The following CDK3 variants were observed in gnomAD, a reference collection of about 807,000 sequenced individuals.
The protein encoded by CDK3 is cyclin dependent kinase 3.
Under a neutral mutation model 30.2 loss-of-function variants are expected in CDK3, and 24 were observed. The observed-to-expected ratio is 0.79, with a 90% CI of 0.57 to 1.12. The LOEUF (loss-of-function observed/expected upper bound fraction) is 1.12. Among genes scored for constraint, CDK3 ranks in the 50% most tolerant of loss-of-function variants. The pLI is 0.00. For missense variants in CDK3, 345 were observed against 376.0 expected (o/e 0.92, Z 0.68); for synonymous variants, 158 against 154.2 (o/e 1.02, Z -0.18).
rs1279057955 is a variant in CDK3, at chr17:76,002,632, T to C, written c.588+20T>C. 2 of 797,708 alleles carry C rather than the reference T, an allele frequency of 2.5e-6. No individual in the cohort carries two copies. Among genetic ancestry groups the C allele is most frequent in the African/African-American group, 1.7e-5 (1 of 59,418 alleles). 49.4% of individuals were successfully genotyped at this position (797,708 alleles called of 1,614,324 possible). ...GAGATGGTAGAGAGAGGGGCACACA[T>C]GGCCACAGGGTGCCACAGGCAGGGT... On this transcript the variant is annotated intron_variant, in intron 6 of 7. Transcript: ENST00000448471. The surrounding 1 kb of genome is among the most constrained non-coding windows in gnomAD (Gnocchi z 4.3).
rs568783710 is a variant in CDK3, at chr17:76,001,258, A to G, written c.-14-154A>G. Reference sequence around the variant, plus strand: ...CCGACCCCCAGCCAGGTTCCCAGGCAGGATGAGCTGGGGTTGGGGTGGCTA... The same window carrying G: ...CCGACCCCCAGCCAGGTTCCCAGGCGGGATGAGCTGGGGTTGGGGTGGCTA... On this transcript the variant is annotated intron_variant, in intron 1 of 7. Coordinates refer to ENST00000448471, the MANE Select transcript of CDK3 (RefSeq NM_001258.4). The surrounding 1 kb of genome is among the most constrained non-coding windows in gnomAD (Gnocchi z 6.2). The G allele has an allele frequency of 3.5e-4, 511 of 1,479,392 alleles. 8 individuals are homozygous for G. In the East Asian group the frequency reaches 0.013, roughly 38 times the overall value. The allele number at this position is 1,479,392 out of a possible 1,614,324, so 91.6% of individuals were successfully genotyped here. A position where few individuals can be genotyped will look rare whatever the true frequency, so the allele number is the denominator to read the frequency against.
At chr17:76,003,511 C>A in intron 7 of CDK3, 113 bp downstream of exon 7, 1 of 786,318 alleles carries the variant, frequency 1.3e-6, no homozygotes, top group Non-Finnish European at 2.0e-6. Flanking sequence ...CTTTCCTGAC[C>A]TTTGTACACA....
Position 76,005,599 on chromosome 17 carries a change from G to A in CDK3, c.*176G>A, listed in dbSNP as rs1017818840. 1.4e-6 allele frequency: 1 copy of A among 715,680 alleles called. No individual in the cohort carries two copies. Among genetic ancestry groups the A allele is most frequent in the African/African-American group, 1.8e-5 (1 of 55,778 alleles). The allele number at this position is 715,680 out of a possible 1,614,324, so 44.3% of individuals were successfully genotyped here. A position where few individuals can be genotyped will look rare whatever the true frequency, so the allele number is the denominator to read the frequency against. On this transcript the variant is annotated 3_prime_UTR_variant, in exon 8 of 8. Transcript: ENST00000448471. This position sits in a 1 kb window ranked among gnomAD's most constrained non-coding sequence, Gnocchi z 4.7. ...CCGCAGGTTAGCGAGATCCTGTGTTGTTTTTTGGGTTGGACGGTGCCGTTT... is the reference window on the plus strand; with the variant it reads ...CCGCAGGTTAGCGAGATCCTGTGTTATTTTTTGGGTTGGACGGTGCCGTTT...
At position 76,001,263 on chromosome 17, in the gene CDK3, G is replaced by A; in HGVS notation, c.-14-149G>A. 2 of 1,498,466 alleles carry A rather than the reference G, an allele frequency of 1.3e-6. No homozygotes were observed. The highest frequency in any genetic ancestry group is 1.8e-6 in the Non-Finnish European group (2 of 1,125,682). 92.8% of individuals were successfully genotyped at this position (1,498,466 alleles called of 1,614,324 possible). A position where few individuals can be genotyped will look rare whatever the true frequency, so the allele number is the denominator to read the frequency against. ...CCCCAGCCAGGTTCCCAGGCAGGAT[G>A]AGCTGGGGTTGGGGTGGCTAGGCCG... On this transcript the variant is annotated intron_variant, in intron 1 of 7. Transcript: ENST00000448471. The surrounding 1 kb of genome is among the most constrained non-coding windows in gnomAD (Gnocchi z 6.2).
Position 76,002,552 on chromosome 17 carries a change from C to T in CDK3, c.528C>T (p.Gly176=), listed in dbSNP as rs756088442. The T allele has an allele frequency of 5.3e-5, 53 of 1,006,290 alleles. 1 individual carries two copies. The South Asian group carries it at 5.6e-4, about 11-fold the overall frequency. The allele number at this position is 1,006,290 out of a possible 1,614,324, so 62.3% of individuals were successfully genotyped here. A position where few individuals can be genotyped will look rare whatever the true frequency, so the allele number is the denominator to read the frequency against. Residue 176 remains glycine (G), a synonymous_variant, in exon 6 of 8, where the codon GGC becomes GGT. Coordinates refer to ENST00000448471, the MANE Select transcript of CDK3 (RefSeq NM_001258.4). This position sits in a 1 kb window ranked among gnomAD's most constrained non-coding sequence, Gnocchi z 4.3. ...ATCGCGCCCCCGAGATTCTCTTGGG[C>T]AGCAAGTTCTATACCACAGCTGTGG... The part of the protein sequence containing the change: ...LWYRAPEILL[G]SKFYTTAVDI...
At position 76,000,867 on chromosome 17, in the gene CDK3, C is replaced by A. The variant is rs1045202219; in HGVS notation, c.-115C>A. 9.6e-6 allele frequency: 10 copies of A among 1,044,444 alleles called. No homozygotes were observed. The highest frequency in any genetic ancestry group is 1.2e-5 in the Non-Finnish European group (10 of 865,690). 64.7% of individuals were successfully genotyped at this position (1,044,444 alleles called of 1,614,324 possible). A position where few individuals can be genotyped will look rare whatever the true frequency, so the allele number is the denominator to read the frequency against. The stretch of plus-strand genomic sequence containing the variant: ...GACTGTGGCTTTAAGACCCTCCTGA[C>A]CCCTGACCTCTGCCCCCAGTGGCCC... On this transcript the variant is annotated 5_prime_UTR_variant, in exon 1 of 8. Coordinates refer to ENST00000448471, the MANE Select transcript of CDK3 (RefSeq NM_001258.4). This position sits in a 1 kb window ranked among gnomAD's most constrained non-coding sequence, Gnocchi z 5.9.
Position 76,002,296 on chromosome 17 carries a change from C to T in CDK3, c.364C>T (p.Arg122Trp), listed in dbSNP as rs201685548. Residue 122 changes from arginine to tryptophan, a missense_variant, in exon 5 of 8, where the codon CGG becomes TGG. By Grantham distance (101) the Arg-to-Trp change is moderately radical. Coordinates refer to ENST00000448471, the MANE Select transcript of CDK3 (RefSeq NM_001258.4). This position sits in a 1 kb window ranked among gnomAD's most constrained non-coding sequence, Gnocchi z 4.3. ...LQGVSFCHSH[R>W]VIHRDLKPQN... Reference sequence around the variant, plus strand: ...GGGGGTGAGTTTCTGCCACTCACATCGGGTCATCCACCGAGACCTGAAGCC... The same window carrying T: ...GGGGGTGAGTTTCTGCCACTCACATTGGGTCATCCACCGAGACCTGAAGCC... 2.7e-4 allele frequency: 432 copies of T among 1,610,730 alleles called. 1 individual carries two copies. Among genetic ancestry groups the T allele is most frequent in the Non-Finnish European group, 3.4e-4 (396 of 1,179,600 alleles).
Position 76,002,815 on chromosome 17 carries a change from G to T in CDK3, c.588+203G>T, listed in dbSNP as rs530274989. The T allele has an allele frequency of 1.4e-4, 81 of 569,240 alleles. No homozygotes were observed. Among genetic ancestry groups the T allele is most frequent in the African/African-American group, 1.3e-3 (67 of 53,268 alleles). The allele number at this position is 569,240 out of a possible 1,614,324, so 35.3% of individuals were successfully genotyped here. The stretch of plus-strand genomic sequence containing the variant: ...GGAGTTTGAGACCAGCCTGGGCAAC[G>T]TAACAAATCCCCAGCTCTTAAAAAA... On this transcript the variant is annotated intron_variant, in intron 6 of 7. Coordinates refer to ENST00000448471, the MANE Select transcript of CDK3 (RefSeq NM_001258.4). The surrounding 1 kb of genome is among the most constrained non-coding windows in gnomAD (Gnocchi z 4.3).
rs1325818178 is a variant in CDK3, at chr17:76,003,131, T to C, written c.589-64T>C. 8.0e-6 allele frequency: 11 copies of C among 1,375,128 alleles called. No individual in the cohort carries two copies. The East Asian group carries it at 1.4e-4, about 17-fold the overall frequency. 85.2% of individuals were successfully genotyped at this position (1,375,128 alleles called of 1,614,324 possible). On this transcript the variant is annotated intron_variant, in intron 6 of 7. Transcript: ENST00000448471. Reference sequence around the variant, plus strand: ...GCCTCTCCCTGGGTCTGGCCACTTATCTGGTATTGGATTCTGTATAACAAA... The same window carrying C: ...GCCTCTCCCTGGGTCTGGCCACTTACCTGGTATTGGATTCTGTATAACAAA...
rs567961585 is a variant in CDK3 at position 76,005,356 on chromosome 17, C to G, written c.851C>G (p.Pro284Arg). The G allele has an allele frequency of 1.2e-6, 2 of 1,614,112 alleles. No homozygotes were observed. Among genetic ancestry groups the G allele is most frequent in the Admixed American group, 1.7e-5 (1 of 60,016 alleles). The change falls in exon 8 of 8, where the codon CCG becomes CGG. Residue 284 changes from proline to arginine, a missense_variant. Transcript: ENST00000448471. This position sits in a 1 kb window ranked among gnomAD's most constrained non-coding sequence, Gnocchi z 4.7. Reference protein sequence around the residue: ...RITAKTALAHPYFSSPEPSPA... With the variant: ...RITAKTALAHRYFSSPEPSPA... Reference sequence around the variant, plus strand: ...ACAGCCAAGACTGCCCTGGCCCACCCGTACTTCTCATCCCCTGAGCCCTCC... The same window carrying G: ...ACAGCCAAGACTGCCCTGGCCCACCGGTACTTCTCATCCCCTGAGCCCTCC...
Position 76,002,100 on chromosome 17 carries a change from G to A in CDK3, c.273G>A (p.Met91Ile), listed in dbSNP as rs1223288320. The stretch of plus-strand genomic sequence containing the variant: ...TCAGCCAGGACCTGAAGAAGTACAT[G>A]GACTCCACCCCAGGCTCAGAGCTCC... ...EFLSQDLKKYMDSTPGSELPL... is the reference protein window; with the variant it reads ...EFLSQDLKKYIDSTPGSELPL... The change falls in exon 4 of 8, where the codon ATG becomes ATA. Residue 91 changes from methionine (M) to isoleucine (I), a missense_variant. Met to Ile is a conservative substitution (Grantham distance 10, BLOSUM62 1). Transcript: ENST00000448471. The surrounding 1 kb of genome is among the most constrained non-coding windows in gnomAD (Gnocchi z 4.3). 6.2e-7 allele frequency: 1 copy of A among 1,613,872 alleles called. No individual in the cohort carries two copies. Among genetic ancestry groups the A allele is most frequent in the East Asian group, 2.2e-5 (1 of 44,856 alleles).
At position 76,005,708 on chromosome 17, in the gene CDK3, G is replaced by A; in HGVS notation, c.*285G>A. 1 of 359,414 alleles carries A rather than the reference G, an allele frequency of 2.8e-6. No individual in the cohort carries two copies. Among genetic ancestry groups the A allele is most frequent in the Admixed American group, 4.5e-5 (1 of 22,270 alleles). The allele number at this position is 359,414 out of a possible 1,614,324, so 22.3% of individuals were successfully genotyped here. On this transcript the variant is annotated 3_prime_UTR_variant, in exon 8 of 8. Transcript: ENST00000448471. The surrounding 1 kb of genome is among the most constrained non-coding windows in gnomAD (Gnocchi z 4.7). ...CAAGTTGAAGGCAGGGGGCCTGCCAGAGCTGGGTGTGGGTATTCAGGCCCT... is the reference window on the plus strand; with the variant it reads ...CAAGTTGAAGGCAGGGGGCCTGCCAAAGCTGGGTGTGGGTATTCAGGCCCT...
In CDK3 at chr17:76,001,833, G is replaced by C; in HGVS notation, c.117-41G>C. 1 of 1,588,908 alleles carries C rather than the reference G, an allele frequency of 6.3e-7. No homozygotes were observed. Among genetic ancestry groups the C allele is most frequent in the Non-Finnish European group, 8.6e-7 (1 of 1,161,220 alleles). ...CCCCTGGCTGGAAGTGCCCTTCTTG[G>C]CCCAAGTCTCTGCCCACGGCTGTGC... is the stretch of plus-strand genomic sequence containing the variant. On this transcript the variant is annotated intron_variant, in intron 2 of 7. Transcript: ENST00000448471. This position sits in a 1 kb window ranked among gnomAD's most constrained non-coding sequence, Gnocchi z 6.2.
chr17:76,002,452 G>A lies in CDK3; in HGVS notation c.486+34G>A. On this transcript the variant is annotated intron_variant, in intron 5 of 7. Coordinates refer to ENST00000448471, the MANE Select transcript of CDK3 (RefSeq NM_001258.4). This position sits in a 1 kb window ranked among gnomAD's most constrained non-coding sequence, Gnocchi z 4.3. Reference sequence around the variant, plus strand: ...AGACAAAGAGGAGAGAGGGGCAGCAGGAGGAGTGTCACCCATGCACTCAGC... The same window carrying A: ...AGACAAAGAGGAGAGAGGGGCAGCAAGAGGAGTGTCACCCATGCACTCAGC... 1.4e-5 allele frequency: 22 copies of A among 1,610,666 alleles called. No homozygotes were observed. Among genetic ancestry groups the A allele is most frequent in the East Asian group, 2.2e-5 (1 of 44,856 alleles).
Position 76,001,115 on chromosome 17 carries a change from C to T in CDK3, c.-15+148C>T. The T allele has an allele frequency of 8.1e-7, 1 of 1,232,862 alleles. No individual in the cohort carries two copies. The highest frequency in any genetic ancestry group is 1.0e-6 in the Non-Finnish European group (1 of 973,210). 76.4% of individuals were successfully genotyped at this position (1,232,862 alleles called of 1,614,324 possible). The stretch of plus-strand genomic sequence containing the variant: ...GGGGGCTGGGTGGGAGAGTGTGGGC[C>T]CTGCCCTCCGAGGCCGGGCATGGGC... On this transcript the variant is annotated intron_variant, in intron 1 of 7. Coordinates refer to ENST00000448471, the MANE Select transcript of CDK3 (RefSeq NM_001258.4). This position sits in a 1 kb window ranked among gnomAD's most constrained non-coding sequence, Gnocchi z 6.2.
chr17:76,002,370 C>A lies in CDK3; in HGVS notation c.438C>A (p.Phe146Leu). ...NELGAIKLAD[F>L]GLARAFGVPL... Reference sequence around the variant, plus strand: ...TGGGTGCCATCAAGCTGGCTGACTTCGGCCTGGCTCGCGCCTTCGGGGTGC... The same window carrying A: ...TGGGTGCCATCAAGCTGGCTGACTTAGGCCTGGCTCGCGCCTTCGGGGTGC... The change falls in exon 5 of 8, where the codon TTC becomes TTA. Residue 146 changes from phenylalanine (F) to leucine (L), a missense_variant. Phe to Leu is a conservative substitution (Grantham distance 22). Transcript: ENST00000448471. The surrounding 1 kb of genome is among the most constrained non-coding windows in gnomAD (Gnocchi z 4.3). 1.9e-6 allele frequency: 3 copies of A among 1,612,584 alleles called. No homozygotes were observed. Among genetic ancestry groups the A allele is most frequent in the Non-Finnish European group, 2.5e-6 (3 of 1,179,998 alleles).
Position 76,001,136 on chromosome 17 carries a change from TGGGCGAGAAGCCTGGGGGTCCTGGCTG to T in CDK3, c.-15+170_-15+196del. 2 of 1,253,754 alleles carry T rather than the reference TGGGCGAGAAGCCTGGGGGTCCTGGCTG, an allele frequency of 1.6e-6. No individual in the cohort carries two copies. Among genetic ancestry groups the T allele is most frequent in the South Asian group, 3.2e-5 (2 of 62,576 alleles). 77.7% of individuals were successfully genotyped at this position (1,253,754 alleles called of 1,614,324 possible). A position where few individuals can be genotyped will look rare whatever the true frequency, so the allele number is the denominator to read the frequency against. On this transcript the variant is annotated intron_variant, in intron 1 of 7. Transcript: ENST00000448471. This position sits in a 1 kb window ranked among gnomAD's most constrained non-coding sequence, Gnocchi z 6.2. ...GGGCCCTGCCCTCCGAGGCCGGGCATGGGCGAGAAGCCTGGGGGTCCTGGCTGAACTGGGCTGGGTGAAGGGGGCCCC... is the reference window on the plus strand; with the variant it reads ...GGGCCCTGCCCTCCGAGGCCGGGCATAACTGGGCTGGGTGAAGGGGGCCCC...
rs745779899 is a variant in CDK3, at chr17:76,001,859, C to T, written c.117-15C>T. ...CCCAAGTCTCTGCCCACGGCTGTGC[C>T]CTTGTTTCTTGCAGGGAGATGGAGG... is the stretch of plus-strand genomic sequence containing the variant. On this transcript the variant is annotated splice_polypyrimidine_tract_variant and intron_variant, in intron 2 of 7. Transcript: ENST00000448471. The surrounding 1 kb of genome is among the most constrained non-coding windows in gnomAD (Gnocchi z 6.2). 8 of 1,611,158 alleles carry T rather than the reference C, an allele frequency of 5.0e-6. No homozygotes were observed. In the Admixed American group the frequency reaches 5.0e-5, roughly 10 times the overall value.
Position 76,005,502 on chromosome 17 carries a change from G to GCAT in CDK3, c.*81_*83dup, listed in dbSNP as rs1402945467. The GCAT allele has an allele frequency of 1.3e-6, 2 of 1,518,628 alleles. No individual in the cohort carries two copies. Among genetic ancestry groups the GCAT allele is most frequent in the African/African-American group, 2.7e-5 (2 of 72,946 alleles). The allele number at this position is 1,518,628 out of a possible 1,614,324, so 94.1% of individuals were successfully genotyped here. A position where few individuals can be genotyped will look rare whatever the true frequency, so the allele number is the denominator to read the frequency against. Reference sequence around the variant, plus strand: ...CTCCTACCCATTGCCAAGAGAGGATGCATCTGGGGAGAGCAAAGCACTAAG... The same window carrying GCAT: ...CTCCTACCCATTGCCAAGAGAGGATGCATCATCTGGGGAGAGCAAAGCACTAAG... On this transcript the variant is annotated 3_prime_UTR_variant, in exon 8 of 8. Coordinates refer to ENST00000448471, the MANE Select transcript of CDK3 (RefSeq NM_001258.4). This position sits in a 1 kb window ranked among gnomAD's most constrained non-coding sequence, Gnocchi z 4.7.
Sources: allele counts gnomAD v4.1 joint callset, GRCh38; gene constraint gnomAD v4.1.1; non-coding constraint Gnocchi (gnomAD v3.1); transcripts MANE v1.5; gene names NCBI Gene and HGNC (gene_info 2026-07-23, HGNC 2026-07-21).